Variants in RPAP2 observed in about 807,000 individuals in gnomAD.
RPAP2 encodes the protein putative RNA polymerase II subunit B1 CTD phosphatase RPAP2.
A neutral mutation model predicts 73.1 loss-of-function variants in RPAP2; 52 were observed. The observed-to-expected ratio is 0.71, with a 90% confidence interval of 0.57 to 0.90. The LOEUF is 0.90. RPAP2 is among the 40% of genes least tolerant of loss of function. The pLI is 0.00. For missense variants in RPAP2, 598 were observed against 701.8 expected (o/e 0.85, Z 1.67); for synonymous variants, 225 against 242.1 (o/e 0.93, Z 0.65).
At position 92,399,672 on chromosome 1, in the gene RPAP2, C is replaced by CA. The variant is rs1283127185; in HGVS notation, c.*12662dup. The stretch of plus-strand genomic sequence containing the variant: ...TAATATCTTCTGTAATACCCATCTT[C>CA]ATTTTTTATATGAAAAAGCATAGCC... On this transcript the variant is annotated 3_prime_UTR_variant, in exon 13 of 13. Coordinates refer to ENST00000610020, the MANE Select transcript of RPAP2 (RefSeq NM_024813.3). 13 of 152,156 alleles carry CA rather than the reference C, an allele frequency of 8.5e-5. No individual in the cohort carries two copies. Among genetic ancestry groups the CA allele is most frequent in the African/African-American group, 3.1e-4 (13 of 41,442 alleles). 9.4% of individuals were successfully genotyped at this position (152,156 alleles called of 1,614,324 possible).
intron 11 of RPAP2, among the ~76,000 whole-genome samples, chr1:92,375,961 T>C (rs1190506895): frequency 2.7e-5 from 4 of 147,384 alleles, no homozygotes; most frequent in Non-Finnish European, 5.9e-5. Flanking sequence ...GATAGCGCCA[T>C]TGCACTCCAC....
At chr1:92,304,254 CT>C (rs761918910) in intron 4 of RPAP2, 29 bp from the exon 5 acceptor site, 1 of 1,368,388 alleles carries the variant, frequency 7.3e-7, no homozygotes, top group Admixed American at 1.9e-5. Context: ...TATTTGGATT[CT>C]TTTGTAAGCT....
At chr1:92,300,381 T>C in intron 2 of RPAP2, 142 bp downstream of exon 2, 1 of 670,090 alleles carries the variant, frequency 1.5e-6, no homozygotes, top group Non-Finnish European at 2.6e-6. Context: ...GGAAGGCCTA[T>C]AAATTCTCAC....
chr1:92,319,672 G>C (rs957257432), intron 6 of RPAP2, among the ~76,000 whole-genome samples: 2 of 152,160 alleles, frequency 1.3e-5, no homozygotes, highest in Non-Finnish European at 2.9e-5. Flanking sequence ...GGAGCTTATA[G>C]TCTAGTTAAG....
intron 7 of RPAP2, among the ~76,000 whole-genome samples, chr1:92,322,029 T>C (rs949401814): frequency 2.7e-5 from 4 of 145,482 alleles, no homozygotes; most frequent in Admixed American, 7.0e-5. Flanking sequence ...CACTGCAACC[T>C]CTGCCACCTG....
intron 7 of RPAP2, among the ~76,000 whole-genome samples, 153 bp from the exon 8 acceptor site, chr1:92,323,292 A>T (rs1003532451): frequency 2.0e-5 from 3 of 151,934 alleles, no homozygotes; most frequent in Non-Finnish European, 2.9e-5. Flanking sequence ...TTTATATATC[A>T]GAACCTAGAA....
At chr1:92,340,432 A>G (rs191312124) in intron 10 of RPAP2, among the ~76,000 whole-genome samples, 103 of 152,332 alleles carry the variant, frequency 6.8e-4, no homozygotes, top group African/African-American at 2.3e-3. Context: ...AATCTTTTCA[A>G]TCAATACTGA....
chr1:92,323,723 T>A lies in RPAP2; in HGVS notation c.803T>A (p.Val268Glu). ...SKHKDKEQTVVDVTEQLGDCK... is the reference protein window; with the variant it reads ...SKHKDKEQTVEDVTEQLGDCK... ...CACAAAGACAAAGAACAGACAGTAG[T>A]AGATGTCACTGAGCAGTTAGGCGAT... Residue 268 changes from valine to glutamate, a missense_variant, in exon 8 of 13, where the codon GTA (valine) becomes GAA (glutamate). Physicochemically the swap from Val to Glu is moderately radical, Grantham distance 121. Transcript: ENST00000610020. The A allele has an allele frequency of 6.2e-7, 1 of 1,614,118 alleles. No homozygotes were observed. Among genetic ancestry groups the A allele is most frequent in the Non-Finnish European group, 8.5e-7 (1 of 1,180,000 alleles).
intron 12 of RPAP2, among the ~76,000 whole-genome samples, chr1:92,386,310 G>A (rs1655862125): frequency 1.3e-5 from 2 of 152,108 alleles, no homozygotes; most frequent in South Asian, 4.1e-4. Flanking sequence ...TCTAGCAGAG[G>A]GGCAAAAATG....
At chr1:92,310,117 T>C (rs981432742) in intron 6 of RPAP2, among the ~76,000 whole-genome samples, 2 of 152,232 alleles carry the variant, frequency 1.3e-5, no homozygotes, top group Non-Finnish European at 2.9e-5. Flanking sequence ...ATAATCTATA[T>C]ATATGCATCT....
intron 7 of RPAP2, among the ~76,000 whole-genome samples, chr1:92,322,144 C>G (rs1652311286): frequency 6.6e-6 from 1 of 151,628 alleles, no homozygotes; most frequent in Admixed American, 6.6e-5. Context: ...CAGGGTTTCA[C>G]TATGTTGGCC....
chr1:92,340,825 T>G (rs1251912460), intron 10 of RPAP2, among the ~76,000 whole-genome samples: 2 of 152,200 alleles, frequency 1.3e-5, no homozygotes, highest in East Asian at 1.9e-4. Flanking sequence ...TGTCGTAGTG[T>G]AAAGCAGTTT....
intron 11 of RPAP2, among the ~76,000 whole-genome samples, chr1:92,379,913 A>C (rs1005918840): frequency 6.6e-6 from 1 of 151,004 alleles, no homozygotes; most frequent in African/African-American, 2.4e-5. Flanking sequence ...TGGGTGACAG[A>C]GCAAGACTCC....
Position 92,401,224 on chromosome 1 carries a change from A to G in RPAP2, c.*14213A>G. 6.6e-6 allele frequency: 1 copy of G among 152,248 alleles called. No individual in the cohort carries two copies. Among genetic ancestry groups the G allele is most frequent in the East Asian group, 1.9e-4 (1 of 5,206 alleles). 9.4% of individuals were successfully genotyped at this position (152,248 alleles called of 1,614,324 possible). A position where few individuals can be genotyped will look rare whatever the true frequency, so the allele number is the denominator to read the frequency against. On this transcript the variant is annotated 3_prime_UTR_variant, in exon 13 of 13. Coordinates refer to ENST00000610020, the MANE Select transcript of RPAP2 (RefSeq NM_024813.3). ...ATATCAGAGAGAAAGCTATTACTGA[A>G]GACCTTTCTAACTCACTTCTGTAAA...
intron 11 of RPAP2, among the ~76,000 whole-genome samples, chr1:92,346,708 A>G (rs542921369): frequency 5.9e-5 from 9 of 152,214 alleles, no homozygotes; most frequent in Non-Finnish European, 1.2e-4. Flanking sequence ...GATGCTTACT[A>G]CAAAAGCATA....
intron 9 of RPAP2, 86 bp downstream of exon 9, chr1:92,333,559 G>T: frequency 2.3e-6 from 2 of 877,026 alleles, no homozygotes; most frequent in Non-Finnish European, 3.6e-6. Flanking sequence ...ATTATCCTCA[G>T]ATTTTGAACA....
At chr1:92,306,083 A>G (rs1651211516) in intron 5 of RPAP2, among the ~76,000 whole-genome samples, 1 of 152,246 alleles carries the variant, frequency 6.6e-6, no homozygotes, top group Non-Finnish European at 1.5e-5. Flanking sequence ...TACAAGGTGG[A>G]TGAACCTTGA....
At chr1:92,371,319 A>AATATATATATATATAT (rs1553155688) in intron 11 of RPAP2, among the ~76,000 whole-genome samples, 4 of 61,728 alleles carry the variant, frequency 6.5e-5, no homozygotes, top group African/African-American at 2.9e-4. Context: ...AAAAAAAAAA[A>AATATATATATATATAT]ATATATATAT....
At chr1:92,331,507 A>G (rs1652967069) in intron 8 of RPAP2, among the ~76,000 whole-genome samples, 1 of 152,156 alleles carries the variant, frequency 6.6e-6, no homozygotes, top group South Asian at 2.1e-4. Context: ...TGATCATTAA[A>G]TGGTTACCCT....
Sources: allele counts gnomAD v4.1 joint callset (sites outside exome capture counted in the v4.1 genomes callset), GRCh38; gene constraint gnomAD v4.1.1; transcripts MANE v1.5; gene names NCBI Gene and HGNC (gene_info 2026-07-23, HGNC 2026-07-21).